ROBO2: variants seen among roughly 807,000 people sequenced by gnomAD.
The protein encoded by ROBO2 is roundabout guidance receptor 2.
A neutral mutation model predicts 160.8 loss-of-function variants in ROBO2; 53 were observed. That is an observed-to-expected ratio of 0.33 (90% CI 0.26 to 0.41). The LOEUF is 0.41. Among genes scored for constraint, ROBO2 ranks in the 10% least tolerant of loss-of-function variants. ROBO2 has a pLI of 1.00. For missense variants in ROBO2, 1,577 were observed against 1,722.4 expected (o/e 0.92, Z 1.49); for synonymous variants, 664 against 611.7 (o/e 1.09, Z -1.26).
chr3:76,717,689 C>T (rs2093404011), intron 2 of ROBO2, among the ~76,000 whole-genome samples: 1 of 151,978 alleles, frequency 6.6e-6, no homozygotes, highest in Non-Finnish European at 1.5e-5. Flanking sequence ...TGATATTCTT[C>T]TGAAATCTGT....
chr3:76,995,023 A>G (rs530370837), intron 2 of ROBO2, among the ~76,000 whole-genome samples: 1 of 152,102 alleles, frequency 6.6e-6, no homozygotes, highest in Non-Finnish European at 1.5e-5. Flanking sequence ...ATAGGTATAC[A>G]TGTCCCATGC....
intron 2 of ROBO2, among the ~76,000 whole-genome samples, chr3:76,284,204 A>G (rs1035025216): frequency 1.3e-5 from 2 of 152,086 alleles, no homozygotes; most frequent in East Asian, 1.9e-4. Flanking sequence ...ACATATAGGA[A>G]AATCATTTAG....
chr3:76,025,645 A>G lies in ROBO2; in HGVS notation c.109+88043A>G, dbSNP rs145354493. Among the ~76,000 whole-genome samples the G allele has an allele frequency of 1.7e-3, 257 of 151,896 alleles. 2 individuals are homozygous for G. Among genetic ancestry groups the G allele is most frequent in the African/African-American group, 5.7e-3 (237 of 41,512 alleles). ...TACATTTGTAAACTCTAAAAACATC[A>G]TGGAATTAGTAGTTGTTGGAATGAT... is the stretch of plus-strand genomic sequence containing the variant. On this transcript the variant is annotated intron_variant, in intron 2 of 26. Transcript: ENST00000487694.
intron 2 of ROBO2, among the ~76,000 whole-genome samples, chr3:76,048,673 C>T (rs993337802): frequency 6.6e-6 from 1 of 152,058 alleles, no homozygotes; most frequent in African/African-American, 2.4e-5. Context: ...GAATCACAAC[C>T]TATGATCCAT....
chr3:76,396,922 C>T (rs938657072), intron 2 of ROBO2, among the ~76,000 whole-genome samples: 13 of 152,096 alleles, frequency 8.5e-5, no homozygotes, highest in Non-Finnish European at 1.3e-4. Context: ...AGGTTCAATG[C>T]CATCCCCATC....
intron 24 of ROBO2, among the ~76,000 whole-genome samples, chr3:77,635,275 AT>A (rs10717928): frequency 0.73 from 108,041 of 147,584 alleles, 39,392 homozygotes; most frequent in East Asian, 0.82. Flanking sequence ...TTTGAGGTTG[AT>A]TTTTTTTTTT....
intron 2 of ROBO2, among the ~76,000 whole-genome samples, chr3:76,808,101 A>G (rs2064875861): frequency 6.6e-6 from 1 of 152,146 alleles, no homozygotes; most frequent in Admixed American, 6.6e-5. Flanking sequence ...AGGAGACTTC[A>G]AAGGATATGA....
chr3:76,776,723 G>A (rs1206626444), intron 2 of ROBO2, among the ~76,000 whole-genome samples: 1 of 150,806 alleles, frequency 6.6e-6, no homozygotes, highest in Non-Finnish European at 1.5e-5. Flanking sequence ...ATCTTTAATG[G>A]AGCACATATA....
At chr3:76,819,787 T>C (rs143620033) in intron 2 of ROBO2, among the ~76,000 whole-genome samples, 1 of 152,214 alleles carries the variant, frequency 6.6e-6, no homozygotes, top group Non-Finnish European at 1.5e-5. Flanking sequence ...TTCAATGTGC[T>C]TTGGGAAAAC....
At chr3:77,249,449 A>C (rs554643659) in intron 2 of ROBO2, among the ~76,000 whole-genome samples, 47 of 152,296 alleles carry the variant, frequency 3.1e-4, no homozygotes, top group African/African-American at 1.1e-3. Flanking sequence ...TTCTGTAGGA[A>C]TTTGCATAGA....
intron 2 of ROBO2, among the ~76,000 whole-genome samples, chr3:76,458,005 G>A (rs997773322): frequency 1.3e-5 from 2 of 152,120 alleles, no homozygotes; most frequent in African/African-American, 4.8e-5. Flanking sequence ...GATGGGAGGG[G>A]CTTCTCTCCA....
chr3:76,053,433 A>G (rs1300912073), intron 2 of ROBO2, among the ~76,000 whole-genome samples: 1 of 152,024 alleles, frequency 6.6e-6, no homozygotes, highest in Non-Finnish European at 1.5e-5. Context: ...AAACCTAAAC[A>G]ATGTTCTATT....
chr3:77,366,661 A>C lies in ROBO2; in HGVS notation c.389-110753A>C, dbSNP rs560669485. On this transcript the variant is annotated intron_variant, in intron 2 of 25. Coordinates refer to ENST00000461745, the Ensembl canonical transcript of ROBO2. ...TAGTTCTGAAGGCTGTACAAGAAGC[A>C]TGATGCCAACATTTGCCTCTGATAA... is the stretch of plus-strand genomic sequence containing the variant. 7.2e-5 allele frequency among the ~76,000 whole-genome samples: 11 copies of C among 152,308 alleles called. No individual in the cohort carries two copies. The South Asian group carries it at 2.1e-3, about 29-fold the overall frequency.
At chr3:77,574,516 G>T (rs1263216720) in exon 14 of ROBO2, 2 of 1,613,162 alleles carry the variant, frequency 1.2e-6, no homozygotes, top group African/African-American at 2.7e-5. Context: ...GCCAACCCCA[G>T]TTTATCCAAG....
At chr3:76,228,825 T>C (rs1398289750) in intron 2 of ROBO2, among the ~76,000 whole-genome samples, 2 of 152,166 alleles carry the variant, frequency 1.3e-5, no homozygotes, top group African/African-American at 2.4e-5. Flanking sequence ...TCCATGAAAT[T>C]GGAAAATATT....
intron 2 of ROBO2, among the ~76,000 whole-genome samples, chr3:76,182,442 G>C (rs972121366): frequency 3.9e-5 from 6 of 152,138 alleles, no homozygotes; most frequent in African/African-American, 1.2e-4. Context: ...GGAGTGACGA[G>C]CTAAGACAAC....
chr3:77,008,014 T>G (rs2061672534), intron 2 of ROBO2, among the ~76,000 whole-genome samples: 1 of 152,012 alleles, frequency 6.6e-6, no homozygotes. Context: ...AATTACATAT[T>G]TTTAAATTTT....
intron 2 of ROBO2, among the ~76,000 whole-genome samples, chr3:77,386,334 T>C (rs2074093590): frequency 6.6e-6 from 1 of 152,206 alleles, no homozygotes; most frequent in South Asian, 2.1e-4. Context: ...AAATTGTTAA[T>C]GTTTAACACT....
intron 2 of ROBO2, among the ~76,000 whole-genome samples, chr3:76,305,757 TAA>T (rs200578430): frequency 6.9e-6 from 1 of 144,232 alleles, no homozygotes; most frequent in African/African-American, 2.6e-5. Context: ...GGACTCCATA[TAA>T]AAAAAAAAAA....
Sources: gnomAD v4.1 joint callset for allele counts (sites outside exome capture counted in the v4.1 genomes callset) on GRCh38, gnomAD v4.1.1 for gene constraint, MANE v1.5 for transcripts, NCBI Gene and HGNC (gene_info 2026-07-23, HGNC 2026-07-21) for gene names.